The following RAD51B variants were observed in gnomAD, a reference collection of about 807,000 sequenced individuals.
The protein encoded by RAD51B is DNA repair protein RAD51 homolog 2.
In RAD51B, 38 loss-of-function variants were observed where a neutral mutation model predicts 42.2. That is an observed-to-expected ratio of 0.90 (90% CI 0.70 to 1.18). The LOEUF (loss-of-function observed/expected upper bound fraction) is 1.18, where lower values mean the gene tolerates loss of function less well. Among genes scored for constraint, RAD51B ranks in the 50% most tolerant of loss-of-function variants. RAD51B has a pLI of 0.00. For missense variants in RAD51B, 373 were observed against 400.7 expected (o/e 0.93, Z 0.59); for synonymous variants, 154 against 145.2 (o/e 1.06, Z -0.43).
chr14:68,209,104 T>G (rs1317521634), intron 7 of RAD51B, among the ~76,000 whole-genome samples: 2 of 152,318 alleles, frequency 1.3e-5, no homozygotes, highest in African/African-American at 4.8e-5. Context: ...ATCAGGAAGA[T>G]TTTGTCATCC....
intron 7 of RAD51B, among the ~76,000 whole-genome samples, chr14:68,015,558 G>A (rs938969414): frequency 5.3e-5 from 8 of 152,274 alleles, no homozygotes; most frequent in Non-Finnish European, 7.3e-5. Flanking sequence ...AGAAGAGGGC[G>A]CGTACAGAAG....
chr14:68,580,870 T>A (rs1311859283), intron 10 of RAD51B, among the ~76,000 whole-genome samples: 2 of 152,168 alleles, frequency 1.3e-5, no homozygotes, highest in East Asian at 3.8e-4. Flanking sequence ...ACAGGCCATT[T>A]CCACACGGGG....
intron 8 of RAD51B, among the ~76,000 whole-genome samples, chr14:68,315,591 T>C (rs529654559): frequency 6.6e-6 from 1 of 152,244 alleles, no homozygotes; most frequent in Non-Finnish European, 1.5e-5. Context: ...GCGTGATCTC[T>C]GCTCACTGCA....
At chr14:68,350,787 C>T (rs2082770320) in intron 8 of RAD51B, among the ~76,000 whole-genome samples, 1 of 152,200 alleles carries the variant, frequency 6.6e-6, no homozygotes, top group Non-Finnish European at 1.5e-5. Flanking sequence ...CATTTGCCTT[C>T]AGTTTGGCTT....
chr14:68,262,491 C>G (rs2080910025), intron 7 of RAD51B, among the ~76,000 whole-genome samples: 1 of 152,156 alleles, frequency 6.6e-6, no homozygotes, highest in African/African-American at 2.4e-5. Flanking sequence ...TCCCCATGCC[C>G]CACTTAAGGT....
chr14:68,350,282 C>T (rs1425210093), intron 8 of RAD51B, among the ~76,000 whole-genome samples: 3 of 152,226 alleles, frequency 2.0e-5, no homozygotes, highest in African/African-American at 7.2e-5. Flanking sequence ...CAACAAATTG[C>T]ATTCTGATGT....
chr14:68,616,062 T>C (rs1416992334), downstream of RAD51B, among the ~76,000 whole-genome samples: 1 of 152,224 alleles, frequency 6.6e-6, no homozygotes, highest in African/African-American at 2.4e-5. Flanking sequence ...CATTGACTTT[T>C]AGCTACATGC....
intron 11 of RAD51B, among the ~76,000 whole-genome samples, chr14:68,665,910 A>G (rs889954612): frequency 1.3e-5 from 2 of 152,232 alleles, no homozygotes; most frequent in Non-Finnish European, 2.9e-5. Context: ...GGCCTAAGCC[A>G]ATCAGAGCAT....
At chr14:67,984,596 C>T (rs1490261782) in intron 7 of RAD51B, among the ~76,000 whole-genome samples, 1 of 152,164 alleles carries the variant, frequency 6.6e-6, no homozygotes, top group African/African-American at 2.4e-5. Context: ...TTTGTTCAGT[C>T]TGGACTCTCT....
intron 7 of RAD51B, among the ~76,000 whole-genome samples, chr14:68,216,495 G>T (rs777543201): frequency 6.6e-6 from 1 of 152,156 alleles, no homozygotes; most frequent in South Asian, 2.1e-4. Flanking sequence ...CTACCTTAAT[G>T]TGTTGGAAAA....
intron 8 of RAD51B, among the ~76,000 whole-genome samples, chr14:68,372,686 T>C (rs920065966): frequency 2.0e-5 from 3 of 152,180 alleles, no homozygotes; most frequent in African/African-American, 7.2e-5. Flanking sequence ...TTTGGCTCTT[T>C]TGGGGACTCC....
intron 7 of RAD51B, among the ~76,000 whole-genome samples, chr14:67,973,362 C>T (rs1342299824): frequency 6.6e-6 from 1 of 151,956 alleles, no homozygotes; most frequent in Non-Finnish European, 1.5e-5. Flanking sequence ...TGAATAGGAC[C>T]CTCAAAGGAA....
chr14:68,356,065 A>G (rs1429737598), intron 8 of RAD51B, among the ~76,000 whole-genome samples: 1 of 152,260 alleles, frequency 6.6e-6, no homozygotes, highest in African/African-American at 2.4e-5. Context: ...TATTGTAGAC[A>G]TGGTTCCAGA....
chr14:68,663,162 C>T (rs1422879098), intron 11 of RAD51B, among the ~76,000 whole-genome samples: 3 of 152,120 alleles, frequency 2.0e-5, no homozygotes, highest in Non-Finnish European at 2.9e-5. Context: ...ATTAGCTAGG[C>T]GTGGTGGTGC....
chr14:68,571,445 C>T (rs767066021), intron 10 of RAD51B, among the ~76,000 whole-genome samples: 7 of 152,138 alleles, frequency 4.6e-5, no homozygotes, highest in East Asian at 1.9e-4. Flanking sequence ...TTCTAGAGGC[C>T]GCCCACATTC....
rs1396421535 is a variant in RAD51B at position 68,332,756 on chromosome 14, A to AAG, written c.853+40777_853+40778insGA. Among the ~76,000 whole-genome samples the AAG allele has an allele frequency of 4.3e-4, 65 of 152,008 alleles. 1 individual carries two copies. The South Asian group carries it at 7.9e-3, about 19-fold the overall frequency. ...AAACTGAAGTGCAGAGAGAGAAATA[A>AAG]ATATCTTTTTCTTATTCCAGTTCAA... On this transcript the variant is annotated intron_variant, in intron 8 of 10. Transcript: ENST00000471583.
intron 8 of RAD51B, among the ~76,000 whole-genome samples, chr14:68,328,520 G>A (rs551620437): frequency 6.6e-6 from 1 of 152,164 alleles, no homozygotes; most frequent in Non-Finnish European, 1.5e-5. Context: ...AGGAGACACT[G>A]AGGGAGCTAT....
intron 1 of RAD51B, chr14:67,822,027 G>C (rs1366365664): frequency 6.6e-6 from 1 of 152,010 alleles, no homozygotes; most frequent in Non-Finnish European, 1.5e-5. Context: ...GATTGATTCA[G>C]TCTGATTCAG....
chr14:68,522,487 A>G (rs1886649299), intron 10 of RAD51B, among the ~76,000 whole-genome samples: 1 of 152,162 alleles, frequency 6.6e-6, no homozygotes, highest in Non-Finnish European at 1.5e-5. Flanking sequence ...CCTCTCTGGA[A>G]TGGAGCCGCT....
Sources: allele counts gnomAD v4.1 joint callset (sites outside exome capture counted in the v4.1 genomes callset), GRCh38; gene constraint gnomAD v4.1.1; transcripts MANE v1.5; gene names NCBI Gene and HGNC (gene_info 2026-07-23, HGNC 2026-07-21).